Variants in NEDD9 observed in about 807,000 individuals in gnomAD.
NEDD9 encodes the protein neural precursor cell expressed, developmentally down-regulated 9.
In NEDD9, 26 loss-of-function variants were observed where a neutral mutation model predicts 76.6. The observed-to-expected ratio is 0.34, with a 90% CI of 0.25 to 0.47. The LOEUF (loss-of-function observed/expected upper bound fraction) is 0.47, where lower values mean the gene tolerates loss of function less well. Ranked by LOEUF, NEDD9 falls within the 20% of genes least tolerant of loss-of-function variation. The pLI, the probability that NEDD9 is intolerant of heterozygous loss-of-function variation, is 1.00. For synonymous variants in NEDD9, 392 were observed against 414.2 expected (o/e 0.95, Z 0.65); for missense variants, 937 against 1,058.5 (o/e 0.89, Z 1.59).
intron 1 of NEDD9, among the ~76,000 whole-genome samples, chr6:11,343,774 T>C (rs1220718300): frequency 6.6e-6 from 1 of 152,216 alleles, no homozygotes; most frequent in African/African-American, 2.4e-5. Context: ...ACTGTGAAAC[T>C]CAATATGCTG....
At chr6:11,332,437 G>A (rs1399881255) in intron 2 of NEDD9, among the ~76,000 whole-genome samples, 1 of 152,146 alleles carries the variant, frequency 6.6e-6, no homozygotes, top group African/African-American at 2.4e-5. Flanking sequence ...TTCCTTGCTA[G>A]GATGTACCAC....
intron 3 of NEDD9, chr6:11,305,103 T>C: frequency 7.8e-7 from 1 of 1,289,226 alleles, no homozygotes; most frequent in Non-Finnish European, 1.0e-6. Context: ...TGGGCTGTTC[T>C]TGGCTTGATA....
intron 2 of NEDD9, among the ~76,000 whole-genome samples, chr6:11,308,564 T>C (rs1190004804): frequency 1.3e-5 from 2 of 151,734 alleles, no homozygotes; most frequent in East Asian, 1.9e-4. Flanking sequence ...AGAGACGGGG[T>C]TTCATCGTGT....
intron 3 of NEDD9, among the ~76,000 whole-genome samples, chr6:11,276,730 C>T (rs1760424317): frequency 6.6e-6 from 1 of 152,178 alleles, no homozygotes; most frequent in South Asian, 2.1e-4. Context: ...GGATTGGTTC[C>T]ACCTTCTCTC....
chr6:11,278,055 G>C (rs938863070), intron 3 of NEDD9, among the ~76,000 whole-genome samples: 1 of 152,158 alleles, frequency 6.6e-6, no homozygotes, highest in African/African-American at 2.4e-5. Flanking sequence ...TGGGAGTCGG[G>C]TGCTTCCTCT....
At chr6:11,379,076 C>T (rs914929114) in intron 1 of NEDD9, among the ~76,000 whole-genome samples, 2 of 152,180 alleles carry the variant, frequency 1.3e-5, no homozygotes, top group South Asian at 4.1e-4. Flanking sequence ...AGCTTGGACC[C>T]CTGCTTCCTG....
intron 2 of NEDD9, among the ~76,000 whole-genome samples, chr6:11,209,105 T>G (rs1451107516): frequency 6.6e-6 from 1 of 152,212 alleles, no homozygotes; most frequent in Non-Finnish European, 1.5e-5. Context: ...TCTAATATGA[T>G]GAAATAGTTA....
At chr6:11,321,972 T>C (rs1229368027) in intron 2 of NEDD9, among the ~76,000 whole-genome samples, 2 of 152,194 alleles carry the variant, frequency 1.3e-5, no homozygotes, top group Non-Finnish European at 2.9e-5. Flanking sequence ...GTGGCACATA[T>C]ACGCCATGGA....
intron 2 of NEDD9, among the ~76,000 whole-genome samples, chr6:11,313,787 C>T (rs1455277700): frequency 1.3e-5 from 2 of 152,084 alleles, no homozygotes; most frequent in African/African-American, 4.8e-5. Context: ...AGAAAGGTGC[C>T]AATTTTAATT....
At position 11,185,102 on chromosome 6, in the gene NEDD9, C is replaced by G. The variant is rs1757941972; in HGVS notation, c.*60G>C. ...ATAGATAACATTTACAAAAACCAGA[C>G]AGTATTTCCAGTTTTCCTTAGTAAC... On this transcript the variant is annotated 3_prime_UTR_variant, in exon 7 of 7. Coordinates refer to ENST00000379446, the MANE Select transcript of NEDD9 (RefSeq NM_006403.4). 4 of 1,499,794 alleles carry G rather than the reference C, an allele frequency of 2.7e-6. No individual in the cohort carries two copies. Among genetic ancestry groups the G allele is most frequent in the Non-Finnish European group, 2.7e-6 (3 of 1,116,150 alleles). The allele number at this position is 1,499,794 out of a possible 1,614,324, so 92.9% of individuals were successfully genotyped here. A position where few individuals can be genotyped will look rare whatever the true frequency, so the allele number is the denominator to read the frequency against.
chr6:11,311,365 A>G (rs1268975742), intron 2 of NEDD9, among the ~76,000 whole-genome samples: 1 of 152,172 alleles, frequency 6.6e-6, no homozygotes, highest in Non-Finnish European at 1.5e-5. Context: ...ATGAAGAAAC[A>G]TGGGCAGATT....
intron 1 of NEDD9, among the ~76,000 whole-genome samples, chr6:11,355,414 A>G (rs1317182984): frequency 1.3e-5 from 2 of 152,220 alleles, no homozygotes; most frequent in East Asian, 3.8e-4. Flanking sequence ...TATAATAGCA[A>G]CAACAACAAC....
At chr6:11,308,559 C>T (rs1761266528) in intron 2 of NEDD9, among the ~76,000 whole-genome samples, 1 of 151,730 alleles carries the variant, frequency 6.6e-6, no homozygotes, top group Non-Finnish European at 1.5e-5. Context: ...TTAGTAGAGA[C>T]GGGGTTTCAT....
rs1203228128 is a variant in NEDD9 at position 11,232,433 on chromosome 6, G to A, written c.12+71C>T. ...ACAAGGGACTGACAGTAAGGAACAC[G>A]CATACACAAGCACACACCCGCAGGC... On this transcript the variant is annotated intron_variant, in intron 1 of 6. Coordinates refer to ENST00000379446, the MANE Select transcript of NEDD9 (RefSeq NM_006403.4). 1.7e-5 allele frequency: 27 copies of A among 1,567,316 alleles called. No individual in the cohort carries two copies. In the South Asian group the frequency reaches 2.7e-4, roughly 15 times the overall value.
chr6:11,232,586 C>T lies in NEDD9; in HGVS notation c.-71G>A. 6.2e-7 allele frequency: 1 copy of T among 1,613,232 alleles called. No individual in the cohort carries two copies. Among genetic ancestry groups the T allele is most frequent in the East Asian group, 2.2e-5 (1 of 44,892 alleles). Reference sequence around the variant, plus strand: ...GCATTAAGCACTGCGGTGCCCGCCCCTCCATTGAGTGCAGCGCTAGATGAA... The same window carrying T: ...GCATTAAGCACTGCGGTGCCCGCCCTTCCATTGAGTGCAGCGCTAGATGAA... On this transcript the variant is annotated 5_prime_UTR_variant, in exon 1 of 7. Coordinates refer to ENST00000379446, the MANE Select transcript of NEDD9 (RefSeq NM_006403.4).
chr6:11,212,931 A>G (rs998319327), intron 2 of NEDD9, among the ~76,000 whole-genome samples: 4 of 152,226 alleles, frequency 2.6e-5, no homozygotes, highest in Admixed American at 6.5e-5. Flanking sequence ...GTTCCACTCA[A>G]TGAAGAAACA....
At chr6:11,332,366 G>A (rs1198951269) in intron 2 of NEDD9, among the ~76,000 whole-genome samples, 3 of 152,138 alleles carry the variant, frequency 2.0e-5, no homozygotes, top group Non-Finnish European at 4.4e-5. Flanking sequence ...ACTACATTAT[G>A]CCTATTCTTA....
In NEDD9 at chr6:11,190,186, A is replaced by G. The variant is rs778122831; in HGVS notation, c.1683T>C (p.Pro561=). 2.5e-6 allele frequency: 4 copies of G among 1,614,240 alleles called. No individual in the cohort carries two copies. ...GCCCATTCTTCAGATGCAAGCTGCC[A>G]GGGCCGGGTCTGAAGAGGGCCTCTG... ...TNAEALFRPG[P]GSLHLKNGPE... Residue 561 remains proline (P), a synonymous_variant, in exon 5 of 7, where the codon CCT becomes CCC. Coordinates refer to ENST00000379446, the MANE Select transcript of NEDD9 (RefSeq NM_006403.4). This position sits in a 1 kb window ranked among gnomAD's most constrained non-coding sequence, Gnocchi z 5.8.
chr6:11,253,564 G>A (rs1457592195), intron 3 of NEDD9, among the ~76,000 whole-genome samples: 3 of 152,192 alleles, frequency 2.0e-5, no homozygotes, highest in African/African-American at 7.2e-5. Flanking sequence ...TATTTCAAAT[G>A]TTCAAAACTA....
Sources: allele counts gnomAD v4.1 joint callset (sites outside exome capture counted in the v4.1 genomes callset), GRCh38; gene constraint gnomAD v4.1.1; non-coding constraint Gnocchi (gnomAD v3.1); transcripts MANE v1.5; gene names NCBI Gene and HGNC (gene_info 2026-07-23, HGNC 2026-07-21).